The following PLD1 variants were observed in gnomAD, a reference collection of about 807,000 sequenced individuals.
The protein encoded by PLD1 is choline phosphatase 1.
In PLD1, 112 loss-of-function variants were observed where a neutral mutation model predicts 137.1. The observed-to-expected ratio is 0.82, with a 90% CI of 0.70 to 0.96. PLD1 has a LOEUF of 0.96. Among genes scored for constraint, PLD1 ranks in the 40% least tolerant of loss-of-function variants. The probability of loss-of-function intolerance (pLI) is 0.00; values close to 1 mark genes in which losing one functional copy is unlikely to be tolerated. For synonymous variants in PLD1, 431 were observed against 454.7 expected (o/e 0.95, Z 0.66); for missense variants, 1,321 against 1,342.0 (o/e 0.98, Z 0.24).
rs186533183 is a variant in PLD1 at position 171,746,305 on chromosome 3, G to A, written c.-31-8223C>T. Among the ~76,000 whole-genome samples, 295 of 152,354 alleles carry A rather than the reference G, an allele frequency of 1.9e-3. 1 individual carries two copies. Among genetic ancestry groups the A allele is most frequent in the African/African-American group, 6.6e-3 (274 of 41,588 alleles). ...GGCGGGCAGCTCAGCCTGCAGCCTG[G>A]GCACGGGATCCACTAGGCAAAGCCA... is the stretch of plus-strand genomic sequence containing the variant. On this transcript the variant is annotated intron_variant, in intron 1 of 26. Coordinates refer to ENST00000351298, the MANE Select transcript of PLD1 (RefSeq NM_002662.5).
intron 12 of PLD1, among the ~76,000 whole-genome samples, chr3:171,695,453 T>G (rs1490626004): frequency 3.3e-5 from 5 of 152,220 alleles, no homozygotes; most frequent in African/African-American, 1.2e-4. Flanking sequence ...AAAGTTTCCA[T>G]AGAATAAATT....
chr3:171,702,626 G>A (rs1716346699), intron 11 of PLD1, among the ~76,000 whole-genome samples: 1 of 151,874 alleles, frequency 6.6e-6, no homozygotes, highest in Non-Finnish European at 1.5e-5. Context: ...CATATTCCTT[G>A]AATAAAATAT....
chr3:171,622,343 C>T (rs935469707), intron 23 of PLD1, among the ~76,000 whole-genome samples: 4 of 152,004 alleles, frequency 2.6e-5, no homozygotes, highest in South Asian at 2.1e-4. Flanking sequence ...AGTAAGTCCC[C>T]GAGGGGATAT....
At chr3:171,751,103 A>G (rs374170697) in intron 1 of PLD1, among the ~76,000 whole-genome samples, 82 of 152,326 alleles carry the variant, frequency 5.4e-4, no homozygotes, top group African/African-American at 1.9e-3. Context: ...GACTATTGGC[A>G]ATTCAGAGAA....
chr3:171,689,114 C>T (rs1038827796), intron 13 of PLD1, among the ~76,000 whole-genome samples: 3 of 151,848 alleles, frequency 2.0e-5, no homozygotes, highest in African/African-American at 4.8e-5. Flanking sequence ...TTGGGGCAGC[C>T]GCCATTTAGC....
At chr3:171,607,494 T>A (rs1051753141) in intron 25 of PLD1, among the ~76,000 whole-genome samples, 8 of 152,180 alleles carry the variant, frequency 5.3e-5, no homozygotes, top group Non-Finnish European at 7.4e-5. Flanking sequence ...CAATATATTA[T>A]TTTCCCTGGC....
chr3:171,757,496 A>G (rs930799688), intron 1 of PLD1, among the ~76,000 whole-genome samples: 1 of 152,214 alleles, frequency 6.6e-6, no homozygotes, highest in Non-Finnish European at 1.5e-5. Context: ...CAATTGTTGG[A>G]AAAGACACGG....
At chr3:171,674,994 A>AG (rs1553816257) in intron 18 of PLD1, among the ~76,000 whole-genome samples, 17 of 148,786 alleles carry the variant, frequency 1.1e-4, no homozygotes, top group African/African-American at 1.5e-4. Context: ...AAAAAAAAAA[A>AG]AAAAAGAAAA....
At chr3:171,742,697 A>G (rs1021111301) in intron 1 of PLD1, among the ~76,000 whole-genome samples, 1 of 152,232 alleles carries the variant, frequency 6.6e-6, no homozygotes, top group African/African-American at 2.4e-5. Flanking sequence ...ATAACCTATG[A>G]AAACACATCA....
chr3:171,675,178 T>TAAA (rs1205241336), intron 18 of PLD1, among the ~76,000 whole-genome samples: 1 of 152,108 alleles, frequency 6.6e-6, no homozygotes. Flanking sequence ...AGGTTAAATA[T>TAAA]AATCTGTAGT....
chr3:171,732,275 C>T (rs560033719), intron 6 of PLD1, among the ~76,000 whole-genome samples: 2 of 152,140 alleles, frequency 1.3e-5, no homozygotes, highest in Non-Finnish European at 2.9e-5. Flanking sequence ...CCCCTGCCTC[C>T]CATCATCCTT....
At chr3:171,645,090 C>G (rs1736094015) in intron 21 of PLD1, 67 bp from the exon 22 acceptor site, 1 of 980,064 alleles carries the variant, frequency 1.0e-6, no homozygotes, top group Non-Finnish European at 1.7e-6. Flanking sequence ...TAGATGACAG[C>G]CAAGCAGTTC....
intron 23 of PLD1, among the ~76,000 whole-genome samples, chr3:171,632,910 A>T (rs934605533): frequency 1.3e-5 from 2 of 152,230 alleles, no homozygotes; most frequent in Non-Finnish European, 2.9e-5. Flanking sequence ...GTCAGCCCAC[A>T]GTCCATACCT....
intron 1 of PLD1, among the ~76,000 whole-genome samples, chr3:171,747,142 T>G (rs889292774): frequency 6.6e-6 from 1 of 151,850 alleles, no homozygotes; most frequent in African/African-American, 2.4e-5. Context: ...AGGAAGAAAC[T>G]CCAAGCACAT....
At chr3:171,704,512 T>C (rs1716522380) in intron 11 of PLD1, among the ~76,000 whole-genome samples, 2 of 147,804 alleles carry the variant, frequency 1.4e-5, no homozygotes, top group Admixed American at 1.3e-4. Flanking sequence ...TCAGCAGATG[T>C]CAATACCAAG....
chr3:171,765,940 G>A (rs11711587), intron 1 of PLD1, among the ~76,000 whole-genome samples: 72,988 of 151,926 alleles, frequency 0.48, 17,946 homozygotes, highest in African/African-American at 0.58. Context: ...CTACCTTATA[G>A]TTTAATTAGC....
chr3:171,744,506 C>T (rs1341390132), intron 1 of PLD1, among the ~76,000 whole-genome samples: 1 of 152,190 alleles, frequency 6.6e-6, no homozygotes, highest in Non-Finnish European at 1.5e-5. Context: ...CAGCAATCTT[C>T]CACTTACTTA....
intron 1 of PLD1, among the ~76,000 whole-genome samples, chr3:171,788,150 C>T (rs992560898): frequency 2.7e-5 from 4 of 150,210 alleles, no homozygotes; most frequent in Non-Finnish European, 4.4e-5. Context: ...GCTGAGATCG[C>T]GTCATTGCAC....
intron 18 of PLD1, among the ~76,000 whole-genome samples, chr3:171,675,357 A>C (rs2108476356): frequency 6.6e-6 from 1 of 152,364 alleles, no homozygotes; most frequent in Admixed American, 6.5e-5. Context: ...TCCTATTAGT[A>C]AGGATTTCTG....
Sources: allele counts gnomAD v4.1 joint callset (sites outside exome capture counted in the v4.1 genomes callset), GRCh38; gene constraint gnomAD v4.1.1; transcripts MANE v1.5; gene names NCBI Gene and HGNC (gene_info 2026-07-23, HGNC 2026-07-21).